DNAJC25: variants seen among roughly 807,000 people sequenced by gnomAD.
DNAJC25 encodes dnaJ homolog subfamily C member 25.
A neutral mutation model predicts 42.1 loss-of-function variants in DNAJC25; 26 were observed. That is an observed-to-expected ratio of 0.62 (90% CI 0.45 to 0.86). DNAJC25 has a LOEUF of 0.86. Among genes scored for constraint, DNAJC25 ranks in the 40% least tolerant of loss-of-function variants. The pLI, the probability that DNAJC25 is intolerant of heterozygous loss-of-function variation, is 0.00. For missense variants in DNAJC25, 404 were observed against 459.4 expected, an observed-to-expected ratio of 0.88 and a Z score of 1.10; for synonymous variants, 189 against 179.9, an observed-to-expected ratio of 1.05 and a Z score of -0.40.
At chr9:111,637,927 T>C (rs1830387780) in intron 1 of DNAJC25, among the ~76,000 whole-genome samples, 1 of 152,228 alleles carries the variant, frequency 6.6e-6, no homozygotes, top group South Asian at 2.1e-4. Context: ...TTCTGTTGAG[T>C]TCTCCTTTGT....
At chr9:111,642,323 C>T (rs1412681509) in intron 1 of DNAJC25, among the ~76,000 whole-genome samples, 32 of 102,938 alleles carry the variant, frequency 3.1e-4, no homozygotes, top group Non-Finnish European at 6.0e-4. Context: ...CAACCCTGTG[C>T]TCTCTGAAAC....
chr9:111,647,370 A>G, intron 2 of DNAJC25, 111 bp downstream of exon 2: 1 of 1,367,872 alleles, frequency 7.3e-7, no homozygotes, highest in Non-Finnish European at 9.9e-7. Flanking sequence ...TTTTACTTCT[A>G]GTTGAGATCT....
Position 111,649,699 on chromosome 9 carries a change from C to T in DNAJC25, c.736C>T (p.Leu246=). The T allele has an allele frequency of 6.2e-7, 1 of 1,614,056 alleles. No homozygotes were observed. The highest frequency in any genetic ancestry group is 1.1e-5 in the South Asian group (1 of 91,070). ...YQKPQICDLL[L]FQIILAPFHL... ...GAAACCCCAAATCTGTGATCTTCTC[C>T]TGTTTCAAATTATCTTAGCTCCTTT... The change falls in exon 3 of 4, where the codon CTG becomes TTG. Residue 246 remains leucine, a synonymous_variant. Coordinates refer to ENST00000313525, the MANE Select transcript of DNAJC25 (RefSeq NM_001015882.3).
At chr9:111,649,109 GA>G (rs890899886) in intron 2 of DNAJC25, among the ~76,000 whole-genome samples, 9 of 151,986 alleles carry the variant, frequency 5.9e-5, no homozygotes, top group Non-Finnish European at 1.3e-4. Context: ...TAAAAAAAAA[GA>G]AAAAAAATTT....
At chr9:111,633,944 C>CTCT (rs1457754594) in intron 1 of DNAJC25, among the ~76,000 whole-genome samples, 1 of 152,126 alleles carries the variant, frequency 6.6e-6, no homozygotes, top group Admixed American at 6.5e-5. Context: ...AACACTTGTA[C>CTCT]TCTTGACTCT....
Position 111,653,333 on chromosome 9 carries a change from C to T in DNAJC25, c.*111C>T, listed in dbSNP as rs1181830177. 1.6e-6 allele frequency: 2 copies of T among 1,245,390 alleles called. No individual in the cohort carries two copies. The highest frequency in any genetic ancestry group is 2.1e-6 in the Non-Finnish European group (2 of 960,098). 77.1% of individuals were successfully genotyped at this position (1,245,390 alleles called of 1,614,324 possible). A position where few individuals can be genotyped will look rare whatever the true frequency, so the allele number is the denominator to read the frequency against. ...CTGCTCAGCAGTAACTAAAATTCCT[C>T]AAGTATTTGATTAAACAGAATAATG... is the stretch of plus-strand genomic sequence containing the variant. On this transcript the variant is annotated 3_prime_UTR_variant, in exon 4 of 4. Transcript: ENST00000313525.
chr9:111,647,369 T>A, intron 2 of DNAJC25, 110 bp downstream of exon 2: 1 of 1,373,622 alleles, frequency 7.3e-7, no homozygotes, highest in Non-Finnish European at 9.9e-7. Context: ...ATTTTACTTC[T>A]AGTTGAGATC....
At chr9:111,641,628 G>GA (rs1830468870) in intron 1 of DNAJC25, among the ~76,000 whole-genome samples, 1 of 145,760 alleles carries the variant, frequency 6.9e-6, no homozygotes, top group African/African-American at 2.6e-5. Context: ...AGGGAGGTGG[G>GA]GGGGTCAGCC....
chr9:111,643,410 A>T (rs970515473), intron 1 of DNAJC25, among the ~76,000 whole-genome samples: 1 of 152,248 alleles, frequency 6.6e-6, no homozygotes, highest in African/African-American at 2.4e-5. Flanking sequence ...TTACAATGTG[A>T]TAAGTGCTAT....
rs141202998 is a variant in DNAJC25 at position 111,635,122 on chromosome 9, A to G, written c.336+3379A>G. 9.2e-5 allele frequency among the ~76,000 whole-genome samples: 14 copies of G among 152,360 alleles called. No homozygotes were observed. In the East Asian group the frequency reaches 2.7e-3, roughly 29 times the overall value. ...AAGTGGACACTTACCCTCTGTGTCA[A>G]CATTGGATCTCATGAGGTAGAATAA... On this transcript the variant is annotated intron_variant, in intron 1 of 3. Transcript: ENST00000313525.
chr9:111,652,252 G>C (rs1191755790), intron 3 of DNAJC25, among the ~76,000 whole-genome samples: 1 of 151,978 alleles, frequency 6.6e-6, no homozygotes, highest in Non-Finnish European at 1.5e-5. Context: ...GCTCACGCCT[G>C]TAATCCCAAC....
Position 111,653,115 on chromosome 9 carries a change from C to T in DNAJC25, c.976C>T (p.Gln326Ter). ...ATACTTACAGGTCTACAAGCAAGAA[C>T]AAGAGGAAGAATTAAAGAAAAAGTT... ...KENYEVYKQE[Q>*]EEELKKKLAN... The change falls in exon 4 of 4, where the codon CAA (glutamine) becomes TAA (stop). Residue 326 changes from glutamine (Q) to a stop codon, truncating the protein, a stop_gained. Transcript: ENST00000313525. LOFTEE classifies it high-confidence loss of function. 1 of 1,601,024 alleles carries T rather than the reference C, an allele frequency of 6.2e-7. No homozygotes were observed. The highest frequency in any genetic ancestry group is 8.5e-7 in the Non-Finnish European group (1 of 1,172,638).
chr9:111,637,661 T>TGCA lies in DNAJC25; in HGVS notation c.336+5925_336+5927dup, dbSNP rs1191654207. Among the ~76,000 whole-genome samples the TGCA allele has an allele frequency of 3.9e-5, 6 of 152,348 alleles. No individual in the cohort carries two copies. In the East Asian group the frequency reaches 1.2e-3, roughly 29 times the overall value. ...ATTCAAGCTGTCATAGACTGGCGTGTGCAGCAGCACATGTGTTGGAACTGT... is the reference window on the plus strand; with the variant it reads ...ATTCAAGCTGTCATAGACTGGCGTGTGCAGCAGCAGCACATGTGTTGGAACTGT... On this transcript the variant is annotated intron_variant, in intron 1 of 3. Transcript: ENST00000313525.
At chr9:111,647,778 T>C (rs1830589602) in intron 2 of DNAJC25, among the ~76,000 whole-genome samples, 1 of 152,316 alleles carries the variant, frequency 6.6e-6, no homozygotes. Context: ...ATAGGAACTT[T>C]CTGTTTTTGT....
chr9:111,638,037 A>C (rs1830389105), intron 1 of DNAJC25, among the ~76,000 whole-genome samples: 1 of 152,200 alleles, frequency 6.6e-6, no homozygotes, highest in African/African-American at 2.4e-5. Context: ...TAAAACCTGC[A>C]TGTTCTCCAG....
chr9:111,639,928 C>CTCCGTCTCCGTCTCCG (rs1830422166), intron 1 of DNAJC25, among the ~76,000 whole-genome samples: 4 of 120,040 alleles, frequency 3.3e-5, no homozygotes, highest in Non-Finnish European at 7.7e-5. Flanking sequence ...CTCCCTCTCC[C>CTCCGTCTCCGTCTCCG]TCTCCGTCTC....
At position 111,652,915 on chromosome 9, in the gene DNAJC25, C is replaced by CAAAT. The variant is rs71861596; in HGVS notation, c.961-161_961-158dup. 3.3e-3 allele frequency among the ~76,000 whole-genome samples: 500 copies of CAAAT among 151,490 alleles called. 2 individuals are homozygous for CAAAT. The highest frequency in any genetic ancestry group is 6.5e-3 in the African/African-American group (266 of 41,208). Reference sequence around the variant, plus strand: ...CACTGAATGTTAAAATGGTAAATTGCAAATAAATAAATAAATAAATAAATA... The same window carrying CAAAT: ...CACTGAATGTTAAAATGGTAAATTGCAAATAAATAAATAAATAAATAAATAAATA... On this transcript the variant is annotated intron_variant, in intron 3 of 3. Coordinates refer to ENST00000313525, the MANE Select transcript of DNAJC25 (RefSeq NM_001015882.3).
intron 3 of DNAJC25, among the ~76,000 whole-genome samples, chr9:111,650,500 C>A (rs1041415218): frequency 1.3e-5 from 2 of 152,206 alleles, no homozygotes; most frequent in Non-Finnish European, 2.9e-5. Flanking sequence ...CTACAGTTGT[C>A]ACCTACAAAA....
chr9:111,637,032 A>G (rs907004313), intron 1 of DNAJC25, among the ~76,000 whole-genome samples: 2 of 152,218 alleles, frequency 1.3e-5, no homozygotes, highest in Non-Finnish European at 2.9e-5. Context: ...GTTCTTAATC[A>G]ACCTGAAAAC....
Sources: allele counts gnomAD v4.1 joint callset (sites outside exome capture counted in the v4.1 genomes callset), GRCh38; gene constraint gnomAD v4.1.1; transcripts MANE v1.5; gene names NCBI Gene and HGNC (gene_info 2026-07-23, HGNC 2026-07-21).